The following PCDHA4 variants were observed in gnomAD, a reference collection of about 807,000 sequenced individuals.
PCDHA4 encodes the protein protocadherin alpha-4.
PCDHA4 carries 49 observed loss-of-function variants against 61.4 expected under a neutral mutation model. That is an observed-to-expected ratio of 0.80 (90% confidence interval 0.63 to 1.01). PCDHA4 has a LOEUF of 1.01. Among genes scored for constraint, PCDHA4 ranks in the 50% least tolerant of loss-of-function variants. The pLI is 0.00. For missense variants in PCDHA4, 1,254 were observed against 1,235.8 expected, an observed-to-expected ratio of 1.01 and a Z score of -0.22; for synonymous variants, 590 against 550.3, an observed-to-expected ratio of 1.07 and a Z score of -1.01.
intron 1 of PCDHA4, chr5:140,841,355 T>C: frequency 6.2e-7 from 1 of 1,612,706 alleles, no homozygotes; most frequent in Non-Finnish European, 8.5e-7. Flanking sequence ...GCTGGGATCC[T>C]GGCGACTACT....
intron 1 of PCDHA4, chr5:140,875,685 C>T (rs563250653): frequency 6.2e-7 from 1 of 1,613,934 alleles, no homozygotes; most frequent in South Asian, 1.1e-5. Flanking sequence ...CCAAAAGACA[C>T]GGGGACCTTC....
chr5:140,883,973 G>A (rs782157297), intron 1 of PCDHA4: 45 of 1,612,722 alleles, frequency 2.8e-5, no homozygotes, highest in Non-Finnish European at 3.5e-5. Flanking sequence ...GCTGACGCCC[G>A]GGGCTGGCAG....
chr5:140,819,776 A>G (rs1273499096), intron 1 of PCDHA4, among the ~76,000 whole-genome samples: 1 of 152,090 alleles, frequency 6.6e-6, no homozygotes, highest in Non-Finnish European at 1.5e-5. Context: ...AAATATCTAT[A>G]TAAGTACATG....
In PCDHA4 at chr5:140,843,615, C is replaced by A. The variant is rs111750019; in HGVS notation, c.2385+34043C>A. ...AGGGTGTGCTCTGGTGAGGGGCCAC[C>A]GAAGACGGACCTCATGGCCTTCAGC... On this transcript the variant is annotated intron_variant, in intron 1 of 3. Transcript: ENST00000530339. 4.2e-5 allele frequency: 67 copies of A among 1,596,016 alleles called. 5 individuals are homozygous for A. In the African/African-American group the frequency reaches 5.8e-4, roughly 14 times the overall value.
chr5:140,812,950 A>C lies in PCDHA4; in HGVS notation c.2385+3378A>C, dbSNP rs1554126090. ...ATTTCTACATATTTGCAGATTTTCC[A>C]GTTTTAATTCCAGTATTGATTTCTA... On this transcript the variant is annotated intron_variant, in intron 1 of 3. Transcript: ENST00000530339. The C allele has an allele frequency of 2.6e-5, 4 of 152,266 alleles. No individual in the cohort carries two copies. The South Asian group carries it at 6.2e-4, about 24-fold the overall frequency. 9.4% of individuals were successfully genotyped at this position (152,266 alleles called of 1,614,324 possible).
At chr5:141,005,488 G>A (rs138290389) in intron 3 of PCDHA4, among the ~76,000 whole-genome samples, 2,990 of 151,856 alleles carry the variant, frequency 0.02, 115 homozygotes, top group African/African-American at 0.068. Flanking sequence ...CGGATCATGA[G>A]GTCAGGAGAT....
intron 1 of PCDHA4, among the ~76,000 whole-genome samples, chr5:140,925,786 T>C (rs2082719026): frequency 1.3e-5 from 2 of 152,144 alleles, no homozygotes; most frequent in African/African-American, 4.8e-5. Context: ...CTAATGAGTA[T>C]CTCAGTACTT....
At chr5:140,810,496 A>G (rs1258787751) in intron 1 of PCDHA4, 1 of 152,222 alleles carries the variant, frequency 6.6e-6, no homozygotes, top group Non-Finnish European at 1.5e-5. Context: ...TACATTTGTC[A>G]GGTTATTTTC....
chr5:140,850,166 C>G (rs1248475012), intron 1 of PCDHA4: 1 of 1,594,750 alleles, frequency 6.3e-7, no homozygotes, highest in Non-Finnish European at 8.6e-7. Context: ...TCGTGCTGGA[C>G]GAGAACGACA....
intron 1 of PCDHA4, among the ~76,000 whole-genome samples, chr5:140,940,470 AT>A (rs201096499): frequency 2.7e-5 from 4 of 149,646 alleles, no homozygotes; most frequent in South Asian, 2.1e-4. Flanking sequence ...GTTCCCTGCA[AT>A]TTTTTTTTTC....
At position 140,842,039 on chromosome 5, in the gene PCDHA4, C is replaced by T. The variant is rs371732180; in HGVS notation, c.2385+32467C>T. ...AGTGCTGGATGTGAATGATAATGCT[C>T]CCACTTTCGAACAGTCTGAATACGA... On this transcript the variant is annotated intron_variant, in intron 1 of 3. Transcript: ENST00000530339. 4 of 1,613,816 alleles carry T rather than the reference C, an allele frequency of 2.5e-6. No individual in the cohort carries two copies. In the South Asian group the frequency reaches 4.4e-5, roughly 18 times the overall value.
intron 1 of PCDHA4, chr5:140,969,445 A>G (rs2096331821): frequency 1.9e-6 from 3 of 1,542,150 alleles, no homozygotes; most frequent in Non-Finnish European, 2.6e-6. Context: ...TATCTGGTAA[A>G]CTGAGTATAT....
chr5:141,009,544 C>A (rs1236431515), intron 3 of PCDHA4, 83 bp from the exon 4 acceptor site: 1 of 1,534,390 alleles, frequency 6.5e-7, no homozygotes. Context: ...CCTGCCTATG[C>A]AGTACTCCTG....
intron 1 of PCDHA4, chr5:140,869,684 T>A: frequency 6.2e-7 from 1 of 1,613,486 alleles, no homozygotes; most frequent in Non-Finnish European, 8.5e-7. Context: ...AGACTGTCAC[T>A]TATTTTAAAG....
intron 1 of PCDHA4, chr5:140,875,516 T>C: frequency 6.2e-7 from 1 of 1,613,976 alleles, no homozygotes; most frequent in Non-Finnish European, 8.5e-7. Context: ...CAGCGTCTGC[T>C]GCTCTCGCTT....
intron 1 of PCDHA4, chr5:140,927,857 G>A: frequency 6.2e-7 from 1 of 1,614,172 alleles, no homozygotes; most frequent in African/African-American, 1.3e-5. Context: ...GGTTTAGCTA[G>A]CACCGCTAAA....
intron 1 of PCDHA4, chr5:140,856,405 C>T: frequency 6.3e-7 from 1 of 1,598,432 alleles, no homozygotes; most frequent in Non-Finnish European, 8.6e-7. Flanking sequence ...TCCATGTGGA[C>T]GTGGAAGTGA....
intron 1 of PCDHA4, chr5:140,828,776 C>A (rs200187130): frequency 1.9e-6 from 3 of 1,614,060 alleles, no homozygotes; most frequent in Non-Finnish European, 2.5e-6. Flanking sequence ...TGTTCAGCTG[C>A]TGGTCACAGT....
intron 1 of PCDHA4, among the ~76,000 whole-genome samples, chr5:140,839,820 G>A (rs899482827): frequency 6.6e-6 from 1 of 151,928 alleles, no homozygotes; most frequent in Non-Finnish European, 1.5e-5. Context: ...CTACTATGAA[G>A]GCATTCATGA....
Sources: allele counts gnomAD v4.1 joint callset (sites outside exome capture counted in the v4.1 genomes callset), GRCh38; gene constraint gnomAD v4.1.1; transcripts MANE v1.5; gene names NCBI Gene and HGNC (gene_info 2026-07-23, HGNC 2026-07-21).